Variants in CDH2 observed in about 807,000 individuals in gnomAD.
The protein encoded by CDH2 is cadherin 2.
A neutral mutation model predicts 92.0 loss-of-function variants in CDH2; 17 were observed. That is an observed-to-expected ratio of 0.18 (90% CI 0.13 to 0.28). CDH2 has a LOEUF of 0.28. Among genes scored for constraint, CDH2 ranks in the 10% least tolerant of loss-of-function variants. The pLI, the probability that CDH2 is intolerant of heterozygous loss-of-function variation, is 1.00. For synonymous variants in CDH2, 419 were observed against 415.9 expected (o/e 1.01, Z -0.09); for missense variants, 862 against 1,133.1 (o/e 0.76, Z 3.44).
intron 2 of CDH2, among the ~76,000 whole-genome samples, chr18:28,095,302 C>T (rs1296253928): frequency 6.6e-6 from 1 of 151,980 alleles, no homozygotes; most frequent in African/African-American, 2.4e-5. Flanking sequence ...AAAAAAGGGT[C>T]GGGTGCAATG....
At chr18:27,989,019 T>C (rs1216190308) in intron 10 of CDH2, among the ~76,000 whole-genome samples, 1 of 152,244 alleles carries the variant, frequency 6.6e-6, no homozygotes, top group Non-Finnish European at 1.5e-5. Context: ...AGTTTCTAGA[T>C]AAGCAGTAGT....
intron 14 of CDH2, among the ~76,000 whole-genome samples, chr18:27,968,535 G>C (rs2011583785): frequency 6.6e-6 from 1 of 152,148 alleles, no homozygotes; most frequent in Admixed American, 6.5e-5. Flanking sequence ...CTGTTGTTTA[G>C]GCAGGAAGGA....
intron 7 of CDH2, among the ~76,000 whole-genome samples, chr18:27,995,590 C>T (rs2012557103): frequency 6.6e-6 from 1 of 152,158 alleles, no homozygotes; most frequent in South Asian, 2.1e-4. Context: ...AGTTAACTCA[C>T]ATAGGTATTA....
chr18:27,998,795 T>C (rs1440392226), intron 7 of CDH2, among the ~76,000 whole-genome samples: 1 of 152,104 alleles, frequency 6.6e-6, no homozygotes, highest in East Asian at 1.9e-4. Context: ...ATTTTTTGTA[T>C]TTTTAGTAGA....
intron 2 of CDH2, among the ~76,000 whole-genome samples, chr18:28,016,012 C>T (rs1462664575): frequency 6.6e-6 from 1 of 152,178 alleles, no homozygotes; most frequent in Non-Finnish European, 1.5e-5. Context: ...TGGGACACTC[C>T]CATTTTCCAT....
chr18:28,035,883 A>G (rs1192181885), intron 2 of CDH2, among the ~76,000 whole-genome samples: 1 of 152,126 alleles, frequency 6.6e-6, no homozygotes, highest in Non-Finnish European at 1.5e-5. Flanking sequence ...CAAGGAAGAC[A>G]CACCTGTATC....
chr18:27,940,859 A>G (rs1170210303), intron 6 of CDH2, among the ~76,000 whole-genome samples: 2 of 152,202 alleles, frequency 1.3e-5, no homozygotes, highest in Non-Finnish European at 2.9e-5. Flanking sequence ...ACTGCAAGAA[A>G]AACAAAATCA....
At chr18:28,026,772 G>C (rs1258533760) in intron 2 of CDH2, among the ~76,000 whole-genome samples, 1 of 152,144 alleles carries the variant, frequency 6.6e-6, no homozygotes, top group Non-Finnish European at 1.5e-5. Flanking sequence ...TTCTAGCTCA[G>C]ACACATGGAT....
At chr18:28,108,389 T>C (rs2015357196) in intron 2 of CDH2, among the ~76,000 whole-genome samples, 1 of 152,174 alleles carries the variant, frequency 6.6e-6, no homozygotes, top group South Asian at 2.1e-4. Context: ...TAGTCATTGC[T>C]GAAGGACAAA....
At chr18:28,057,643 G>T (rs2014319286) in intron 2 of CDH2, among the ~76,000 whole-genome samples, 1 of 151,442 alleles carries the variant, frequency 6.6e-6, no homozygotes, top group South Asian at 2.1e-4. Context: ...CTGCAGCCTG[G>T]GTGACAGGGC....
chr18:27,945,629 T>C (rs1909251403), intron 6 of CDH2, among the ~76,000 whole-genome samples: 1 of 152,150 alleles, frequency 6.6e-6, no homozygotes, highest in African/African-American at 2.4e-5. Context: ...GGTTGTTGAA[T>C]GTCTCTTCTT....
chr18:28,057,629 C>T (rs760890754), intron 2 of CDH2, among the ~76,000 whole-genome samples: 9 of 150,566 alleles, frequency 6.0e-5, no homozygotes, highest in Non-Finnish European at 1.2e-4. Context: ...ATCATGCTGC[C>T]GCACTGCAGC....
At chr18:28,046,993 T>G (rs1035714380) in intron 2 of CDH2, among the ~76,000 whole-genome samples, 1 of 152,214 alleles carries the variant, frequency 6.6e-6, no homozygotes, top group African/African-American at 2.4e-5. Context: ...AGAGATTCTA[T>G]GAATTTCAAG....
intron 2 of CDH2, among the ~76,000 whole-genome samples, chr18:28,094,256 G>GT (rs1359384328): frequency 6.6e-6 from 1 of 152,110 alleles, no homozygotes; most frequent in Non-Finnish European, 1.5e-5. Flanking sequence ...GGAGGCTAAG[G>GT]TGGGCGGATC....
At chr18:28,107,544 T>G (rs912924456) in intron 2 of CDH2, among the ~76,000 whole-genome samples, 3 of 152,154 alleles carry the variant, frequency 2.0e-5, no homozygotes, top group Non-Finnish European at 2.9e-5. Flanking sequence ...ATAATATGTA[T>G]GCCATAACAC....
chr18:28,162,325 G>C (rs2016318054), intron 1 of CDH2, among the ~76,000 whole-genome samples: 2 of 152,148 alleles, frequency 1.3e-5, no homozygotes, highest in African/African-American at 4.8e-5. Context: ...CATGTACTTA[G>C]GGGAGCACAA....
In CDH2 at chr18:28,132,440, T is replaced by C. The variant is rs17536430; in HGVS notation, c.172+15233A>G. Among the ~76,000 whole-genome samples, 580 of 152,248 alleles carry C rather than the reference T, an allele frequency of 3.8e-3. 5 individuals are homozygous for C. Among genetic ancestry groups the C allele is most frequent in the African/African-American group, 0.013 (552 of 41,554 alleles). ...GGATTCTTGAGATTACTGGCTTCCC[T>C]TTCTCCAGTCAAGGAGTGAGAGAAC... On this transcript the variant is annotated intron_variant, in intron 2 of 15. Coordinates refer to ENST00000269141, the MANE Select transcript of CDH2 (RefSeq NM_001792.5).
chr18:28,003,963 T>A (rs1445474762), intron 6 of CDH2, among the ~76,000 whole-genome samples: 1 of 152,192 alleles, frequency 6.6e-6, no homozygotes, highest in Non-Finnish European at 1.5e-5. Flanking sequence ...CAGTCTACCT[T>A]CCTTTTGAAT....
chr18:27,938,814 C>A (rs1044403219), intron 6 of CDH2, among the ~76,000 whole-genome samples: 1 of 152,078 alleles, frequency 6.6e-6, no homozygotes, highest in Admixed American at 6.5e-5. Flanking sequence ...AGACAATACA[C>A]GCCAATTAAC....
Sources: gnomAD v4.1 joint callset for allele counts (sites outside exome capture counted in the v4.1 genomes callset) on GRCh38, gnomAD v4.1.1 for gene constraint, MANE v1.5 for transcripts, NCBI Gene and HGNC (gene_info 2026-07-23, HGNC 2026-07-21) for gene names.